Variants in BIN3 observed in about 807,000 individuals in gnomAD.
The protein encoded by BIN3 is bridging integrator 3.
BIN3 carries 41 observed loss-of-function variants against 38.2 expected under a neutral mutation model. The observed-to-expected ratio is 1.07, with a 90% CI of 0.84 to 1.39. The LOEUF (loss-of-function observed/expected upper bound fraction) is 1.39, where lower values mean the gene tolerates loss of function less well. Among genes scored for constraint, BIN3 ranks in the 40% most tolerant of loss-of-function variants. The probability of loss-of-function intolerance (pLI) is 0.00; values close to 1 mark genes in which losing one functional copy is unlikely to be tolerated. For missense variants in BIN3, 361 were observed against 324.3 expected (o/e 1.11, Z -0.87); for synonymous variants, 145 against 122.6 (o/e 1.18, Z -1.21).
At chr8:22,651,211 C>A (rs1218719390) in intron 1 of BIN3, among the ~76,000 whole-genome samples, 2 of 152,114 alleles carry the variant, frequency 1.3e-5, no homozygotes, top group African/African-American at 4.8e-5. Flanking sequence ...TGGTAATTGT[C>A]ACTTTTCTTT....
chr8:22,634,464 TGTGATCA>T, intron 4 of BIN3: 1 of 456,238 alleles, frequency 2.2e-6, no homozygotes, highest in Non-Finnish European at 4.4e-6. Flanking sequence ...GCTTTCCTTT[TGTGATCA>T]GTGCTTTGTA....
At chr8:22,636,385 G>T in intron 4 of BIN3, 140 bp downstream of exon 4, 7 of 813,054 alleles carry the variant, frequency 8.6e-6, no homozygotes, top group Non-Finnish European at 1.4e-5. Context: ...AGGAGTGACT[G>T]CCCTGAGGCT....
At chr8:22,662,688 G>T (rs1032843399) in intron 1 of BIN3, among the ~76,000 whole-genome samples, 22 of 152,114 alleles carry the variant, frequency 1.4e-4, no homozygotes, top group Non-Finnish European at 1.5e-5. Context: ...TGAGGTCTTT[G>T]CAGAACATCT....
At chr8:22,655,435 T>C (rs1162342488) in intron 1 of BIN3, among the ~76,000 whole-genome samples, 2 of 152,236 alleles carry the variant, frequency 1.3e-5, no homozygotes, top group Admixed American at 6.5e-5. Context: ...CATTGATCCA[T>C]TTTGAGTTAA....
At chr8:22,651,727 A>G (rs753508062) in intron 1 of BIN3, among the ~76,000 whole-genome samples, 2 of 152,000 alleles carry the variant, frequency 1.3e-5, no homozygotes, top group African/African-American at 2.4e-5. Flanking sequence ...TTCTTACACA[A>G]TCTTATAGGA....
chr8:22,630,717 A>C, intron 4 of BIN3, 139 bp from the exon 5 acceptor site: 1 of 897,558 alleles, frequency 1.1e-6, no homozygotes. Context: ...AGAACGGCGA[A>C]GTACCACACA....
rs1399316008 is a variant in BIN3 at position 22,623,960 on chromosome 8, G to T, written c.570C>A (p.Arg190=). The change falls in exon 8 of 9, where the codon CGC becomes CGA. Residue 190 remains arginine, a synonymous_variant. Transcript: ENST00000276416. Reference sequence around the variant, plus strand: ...CAAAGCTGGGCTGGAAGTAGTCGAGGCGGCTGCCGTAGAAGCGCGGCATCT... The same window carrying T: ...CAAAGCTGGGCTGGAAGTAGTCGAGTCGGCTGCCGTAGAAGCGCGGCATCT... ...LEEMPRFYGS[R]LDYFQPSFES... 2 of 1,611,282 alleles carry T rather than the reference G, an allele frequency of 1.2e-6. No homozygotes were observed. The highest frequency in any genetic ancestry group is 2.2e-5 in the East Asian group (1 of 44,858).
intron 2 of BIN3, among the ~76,000 whole-genome samples, chr8:22,643,292 C>A (rs1422599081): frequency 6.6e-6 from 1 of 152,128 alleles, no homozygotes; most frequent in African/African-American, 2.4e-5. Context: ...CTGAGTTGGT[C>A]AGCACCCTGC....
In BIN3 at chr8:22,623,940, C is replaced by T. The variant is rs955566845; in HGVS notation, c.590G>A (p.Ser197Asn). The T allele has an allele frequency of 3.1e-6, 5 of 1,611,884 alleles. No individual in the cohort carries two copies. The highest frequency in any genetic ancestry group is 3.4e-6 in the Non-Finnish European group (4 of 1,179,376). Residue 197 changes from serine (S) to asparagine (N), a missense_variant, in exon 8 of 9, where the codon AGC becomes AAC. Coordinates refer to ENST00000276416, the MANE Select transcript of BIN3 (RefSeq NM_018688.6). Reference protein sequence around the residue: ...YGSRLDYFQPSFESLIRAQVV... With the variant: ...YGSRLDYFQPNFESLIRAQVV... The stretch of plus-strand genomic sequence containing the variant: ...CTGAGCTCGGATGAGGGACTCAAAG[C>T]TGGGCTGGAAGTAGTCGAGGCGGCT...
At chr8:22,661,542 G>C (rs1803238504) in intron 1 of BIN3, among the ~76,000 whole-genome samples, 1 of 151,412 alleles carries the variant, frequency 6.6e-6, no homozygotes, top group Non-Finnish European at 1.5e-5. Context: ...ATTTTTAGTA[G>C]AGATGGGGTT....
chr8:22,635,367 T>A (rs940409836), intron 4 of BIN3, among the ~76,000 whole-genome samples: 2 of 152,142 alleles, frequency 1.3e-5, no homozygotes, highest in Non-Finnish European at 2.9e-5. Flanking sequence ...GAGTGCCTGG[T>A]GCACGTGGGT....
chr8:22,657,557 A>G (rs1441870910), intron 1 of BIN3, among the ~76,000 whole-genome samples: 2 of 152,234 alleles, frequency 1.3e-5, no homozygotes, highest in Non-Finnish European at 2.9e-5. Context: ...AAAGGAGAAG[A>G]GGCTGCTGGG....
rs1402822033 is a variant in BIN3 at position 22,630,554 on chromosome 8, A to G, written c.185T>C (p.Ile62Thr). The G allele has an allele frequency of 1.2e-6, 2 of 1,613,984 alleles. No individual in the cohort carries two copies. The highest frequency in any genetic ancestry group is 1.3e-5 in the African/African-American group (1 of 75,050). Reference sequence around the variant, plus strand: ...GGGATTGGAGAGTAAGTCCAAGGATATCTTCACGGCAGATTTTGACATGGC... The same window carrying G: ...GGGATTGGAGAGTAAGTCCAAGGATGTCTTCACGGCAGATTTTGACATGGC... The part of the protein sequence containing the change: ...DLAMSKSAVK[I>T]SLDLLSNPLC... Residue 62 changes from isoleucine to threonine, a missense_variant, in exon 5 of 9, where the codon ATA (isoleucine) becomes ACA (threonine). Ile to Thr is a moderately conservative substitution (Grantham distance 89). Transcript: ENST00000276416.
chr8:22,629,699 A>C, intron 6 of BIN3: 1 of 559,488 alleles, frequency 1.8e-6, no homozygotes, highest in South Asian at 2.3e-5. Flanking sequence ...AATGACCACC[A>C]GAACAGCGGC....
intron 1 of BIN3, among the ~76,000 whole-genome samples, chr8:22,649,699 A>G (rs1802820824): frequency 6.6e-6 from 1 of 151,916 alleles, no homozygotes; most frequent in Admixed American, 6.6e-5. Context: ...AAATAAACCA[A>G]AAACAAAAAC....
chr8:22,625,339 G>A (rs1264652238), intron 6 of BIN3: 7 of 702,456 alleles, frequency 1.0e-5, no homozygotes, highest in African/African-American at 3.5e-5. Context: ...TCCAGGATCA[G>A]GCTGCGCAGC....
At chr8:22,644,080 T>C (rs62494260) in intron 2 of BIN3, among the ~76,000 whole-genome samples, 49 of 152,350 alleles carry the variant, frequency 3.2e-4, no homozygotes, top group Admixed American at 1.1e-3. Flanking sequence ...GAGGAAGTCA[T>C]TGCAACTTTC....
intron 1 of BIN3, among the ~76,000 whole-genome samples, chr8:22,652,507 A>C (rs1231926291): frequency 6.6e-6 from 1 of 152,180 alleles, no homozygotes; most frequent in Non-Finnish European, 1.5e-5. Context: ...ACATGTGTGC[A>C]TGTGCGCATG....
At chr8:22,659,735 T>C (rs1803171994) in intron 1 of BIN3, among the ~76,000 whole-genome samples, 1 of 152,210 alleles carries the variant, frequency 6.6e-6, no homozygotes, top group East Asian at 1.9e-4. Flanking sequence ...GCTGTGAGAC[T>C]CTGGGCAAGT....
Sources: gnomAD v4.1 joint callset for allele counts (sites outside exome capture counted in the v4.1 genomes callset) on GRCh38, gnomAD v4.1.1 for gene constraint, MANE v1.5 for transcripts, NCBI Gene and HGNC (gene_info 2026-07-23, HGNC 2026-07-21) for gene names.